Variants in TIAM2 observed in about 807,000 individuals in gnomAD.
TIAM2 encodes rho guanine nucleotide exchange factor TIAM2.
A neutral mutation model predicts 152.9 loss-of-function variants in TIAM2; 80 were observed. That is an observed-to-expected ratio of 0.52 (90% CI 0.44 to 0.63). The LOEUF (loss-of-function observed/expected upper bound fraction) is 0.63. TIAM2 is among the 30% of genes least tolerant of loss of function. The pLI is 0.00. For synonymous variants in TIAM2, 804 were observed against 838.0 expected, an observed-to-expected ratio of 0.96 and a Z score of 0.70; for missense variants, 1,965 against 2,120.1, an observed-to-expected ratio of 0.93 and a Z score of 1.44.
At chr6:155,118,390 C>A (rs926500878) in intron 2 of TIAM2, among the ~76,000 whole-genome samples, 3 of 150,380 alleles carry the variant, frequency 2.0e-5, no homozygotes, top group African/African-American at 7.3e-5. Flanking sequence ...GAATTCCTTT[C>A]TTTCCTTTCC....
chr6:155,028,493 A>G (rs141029490), intron 1 of TIAM2, among the ~76,000 whole-genome samples: 12,934 of 116,000 alleles, frequency 0.11, 913 homozygotes, highest in Middle Eastern at 0.22. Context: ...CTACATATAT[A>G]TACTGTGTTA....
intron 15 of TIAM2, chr6:155,216,995 G>C: frequency 7.9e-7 from 1 of 1,262,976 alleles, no homozygotes; most frequent in Non-Finnish European, 1.0e-6. Flanking sequence ...GAGAGACAAC[G>C]TGTGTCTTAC....
intron 1 of TIAM2, among the ~76,000 whole-genome samples, chr6:155,058,712 G>T (rs1777504638): frequency 6.6e-6 from 1 of 152,164 alleles, no homozygotes; most frequent in African/African-American, 2.4e-5. Flanking sequence ...TTGGAGCTGG[G>T]ATTTGAACTC....
intron 5 of TIAM2, among the ~76,000 whole-genome samples, chr6:155,137,846 A>AT (rs1198793056): frequency 6.6e-6 from 1 of 151,770 alleles, no homozygotes; most frequent in Non-Finnish European, 1.5e-5. Context: ...ACTTGTTTTT[A>AT]TTTTTTTTGA....
intron 15 of TIAM2, among the ~76,000 whole-genome samples, chr6:155,230,020 A>G (rs1312593423): frequency 6.6e-6 from 1 of 152,060 alleles, no homozygotes; most frequent in Non-Finnish European, 1.5e-5. Context: ...TTACAATTCA[A>G]GGTGAGATTT....
In TIAM2 at chr6:155,229,824, G is replaced by A. The variant is rs1247514158; in HGVS notation, c.3169-10706G>A. Among the ~76,000 whole-genome samples the A allele has an allele frequency of 2.0e-5, 3 of 152,308 alleles. No homozygotes were observed. In the East Asian group the frequency reaches 5.8e-4, roughly 29 times the overall value. ...GGAGGCCTCACAATCATGGGGGAGGGTGAAGGAGGAGCAAAGTCACATCTT... is the reference window on the plus strand; with the variant it reads ...GGAGGCCTCACAATCATGGGGGAGGATGAAGGAGGAGCAAAGTCACATCTT... On this transcript the variant is annotated intron_variant, in intron 15 of 26. Transcript: ENST00000682666.
At chr6:155,235,979 G>T (rs1288303624) in intron 15 of TIAM2, among the ~76,000 whole-genome samples, 3 of 152,066 alleles carry the variant, frequency 2.0e-5, no homozygotes, top group Admixed American at 6.5e-5. Context: ...ATTTTATACA[G>T]TATATTCAAG....
intron 9 of TIAM2, among the ~76,000 whole-genome samples, chr6:155,172,665 T>TATATAGATATATAG (rs1780629252): frequency 1.2e-4 from 1 of 8,068 alleles, no homozygotes; most frequent in African/African-American, 4.7e-4. Flanking sequence ...TATATATATA[T>TATATAGATATATAG]ATATATATAT....
intron 25 of TIAM2, 178 bp downstream of exon 25, chr6:155,254,238 A>G (rs1255613082): frequency 5.9e-6 from 6 of 1,018,928 alleles, no homozygotes; most frequent in Admixed American, 2.8e-5. Flanking sequence ...TAAATATCAA[A>G]ATCTTAAGAG....
intron 14 of TIAM2, among the ~76,000 whole-genome samples, chr6:155,187,991 C>T (rs560397823): frequency 1.3e-5 from 2 of 152,308 alleles, no homozygotes; most frequent in South Asian, 4.1e-4. Flanking sequence ...CTCCCGCTGC[C>T]CCTTGGCCAT....
chr6:155,151,479 T>A (rs1245782835), intron 7 of TIAM2, among the ~76,000 whole-genome samples: 1 of 152,212 alleles, frequency 6.6e-6, no homozygotes, highest in Non-Finnish European at 1.5e-5. Flanking sequence ...CACTTCCTAA[T>A]ACCATCACCT....
At position 155,207,156 on chromosome 6, in the gene TIAM2, C is replaced by T. The variant is rs542323710; in HGVS notation, c.3065-4048C>T. Among the ~76,000 whole-genome samples, 9 of 152,302 alleles carry T rather than the reference C, an allele frequency of 5.9e-5. No homozygotes were observed. The South Asian group carries it at 1.7e-3, about 28-fold the overall frequency. On this transcript the variant is annotated intron_variant, in intron 14 of 26. Transcript: ENST00000682666. Reference sequence around the variant, plus strand: ...AGAATATAAGGGGGCTATGTATAGGCATTTGGCACCCAGGACAGGATGCCT... The same window carrying T: ...AGAATATAAGGGGGCTATGTATAGGTATTTGGCACCCAGGACAGGATGCCT...
At chr6:155,004,918 G>A in intron 1 of TIAM2, 1 of 172,906 alleles carries the variant, frequency 5.8e-6, no homozygotes, top group Non-Finnish European at 1.2e-5. Context: ...CACACAGTCT[G>A]GAGCATCCCT....
At chr6:155,014,339 T>A (rs1778538068) in intron 1 of TIAM2, among the ~76,000 whole-genome samples, 1 of 152,216 alleles carries the variant, frequency 6.6e-6, no homozygotes, top group Non-Finnish European at 1.5e-5. Flanking sequence ...AGGCATCAAA[T>A]AAATGTCTAT....
At chr6:155,171,605 T>G (rs1443045987) in intron 9 of TIAM2, among the ~76,000 whole-genome samples, 2 of 152,120 alleles carry the variant, frequency 1.3e-5, no homozygotes, top group Non-Finnish European at 2.9e-5. Context: ...ACAAACCCCC[T>G]AATATTGTTT....
intron 7 of TIAM2, among the ~76,000 whole-genome samples, chr6:155,163,015 G>T (rs1277760368): frequency 1.3e-5 from 2 of 152,190 alleles, no homozygotes; most frequent in African/African-American, 4.8e-5. Flanking sequence ...TCTGGGGAAT[G>T]CCCAGAATTT....
intron 6 of TIAM2, among the ~76,000 whole-genome samples, chr6:155,145,182 G>GT (rs1469884473): frequency 7.9e-5 from 12 of 152,164 alleles, no homozygotes; most frequent in African/African-American, 2.9e-4. Context: ...GATCTCAGTG[G>GT]ATGTCAAAAG....
rs112212483 is a variant in TIAM2, at chr6:155,151,172, G to A, written c.2028+2838G>A. Reference sequence around the variant, plus strand: ...CTGACTCCGGGTCCCTTTCTGAGTGGCAGCATCTCATCCTCACGAGTCTGT... The same window carrying A: ...CTGACTCCGGGTCCCTTTCTGAGTGACAGCATCTCATCCTCACGAGTCTGT... On this transcript the variant is annotated intron_variant, in intron 7 of 26. Transcript: ENST00000682666. Among the ~76,000 whole-genome samples, 639 of 152,260 alleles carry A rather than the reference G, an allele frequency of 4.2e-3. 5 individuals are homozygous for A. The highest frequency in any genetic ancestry group is 0.014 in the African/African-American group (582 of 41,542).
At chr6:155,225,097 A>G (rs930532356) in intron 15 of TIAM2, among the ~76,000 whole-genome samples, 2 of 152,290 alleles carry the variant, frequency 1.3e-5, no homozygotes, top group Middle Eastern at 3.4e-3. Context: ...CTGGGATTAC[A>G]GGCATGCACA....
Sources: allele counts gnomAD v4.1 joint callset (sites outside exome capture counted in the v4.1 genomes callset), GRCh38; gene constraint gnomAD v4.1.1; transcripts MANE v1.5; gene names NCBI Gene and HGNC (gene_info 2026-07-23, HGNC 2026-07-21).